Variants in DNAH9 observed in about 807,000 individuals in gnomAD.
The protein encoded by DNAH9 is DNAH9 variant protein.
Under a neutral mutation model 471.6 loss-of-function variants are expected in DNAH9, and 345 were observed. The observed-to-expected ratio is 0.73, with a 90% CI of 0.67 to 0.80. The LOEUF is 0.80. Ranked by LOEUF, DNAH9 falls within the 30% of genes least tolerant of loss-of-function variation. DNAH9 has a pLI of 0.00. For synonymous variants in DNAH9, 2,093 were observed against 2,123.6 expected (o/e 0.99, Z 0.40); for missense variants, 5,407 against 5,609.2 (o/e 0.96, Z 1.15).
chr17:11,931,912 T>C (rs1354767832), intron 63 of DNAH9, 102 bp from the exon 64 acceptor site: 16 of 1,347,304 alleles, frequency 1.2e-5, no homozygotes, highest in Non-Finnish European at 1.6e-5. Flanking sequence ...CCAGAATATA[T>C]GGTAATGTTT....
rs761964192 is a variant in DNAH9, at chr17:11,756,582, CAG to C, written c.6754_6755del (p.Ser2252GlnfsTer2). 2.5e-6 allele frequency: 4 copies of C among 1,612,018 alleles called. No individual in the cohort carries two copies. The South Asian group carries it at 4.4e-5, about 18-fold the overall frequency. Reference protein sequence around the residue: ...MDDNKVLTLASNERIPLNPTM... With the variant: ...MDDNKVLTLAXNERIPLNPTM... ...GTTGTCTCCAGGTGCTGACATTGGC[CAG>C]CAATGAGAGGATTCCTCTGAACCCC... On this transcript the variant is annotated frameshift_variant, in exon 34 of 69. Transcript: ENST00000262442. LOFTEE classifies it high-confidence loss of function.
rs748333573 is a variant in DNAH9, at chr17:11,610,496, C to A, written c.715C>A (p.Pro239Thr). 1.9e-6 allele frequency: 3 copies of A among 1,613,352 alleles called. No individual in the cohort carries two copies. In the South Asian group the frequency reaches 3.3e-5, roughly 18 times the overall value. The change falls in exon 3 of 69, where the codon CCA becomes ACA. Residue 239 changes from proline to threonine, a missense_variant. Coordinates refer to ENST00000262442, the MANE Select transcript of DNAH9 (RefSeq NM_001372.4). ...GGTACTCAAGAGAGAGTCTTCCCAG[C>A]CACTCTTACAAGGGGAGAATCCCAC... is the stretch of plus-strand genomic sequence containing the variant. The part of the protein sequence containing the change: ...QVVLKRESSQ[P>T]LLQGENPTPK...
chr17:11,763,731 C>T, intron 36 of DNAH9, 117 bp downstream of exon 36: 2 of 1,017,146 alleles, frequency 2.0e-6, no homozygotes. Context: ...TTGAAAGCAG[C>T]AAACTATTTA....
chr17:11,946,769 G>A (rs866418762), intron 67 of DNAH9, among the ~76,000 whole-genome samples: 15 of 151,468 alleles, frequency 9.9e-5, no homozygotes, highest in East Asian at 5.8e-4. Flanking sequence ...CTTGCAAGCC[G>A]AAAAATAAAA....
At chr17:11,761,616 C>CGAAT (rs1363618328) in intron 35 of DNAH9, among the ~76,000 whole-genome samples, 1 of 152,182 alleles carries the variant, frequency 6.6e-6, no homozygotes, top group African/African-American at 2.4e-5. Flanking sequence ...GATGCTTGCC[C>CGAAT]CTTCTCTGCT....
In DNAH9 at chr17:11,932,005, T is replaced by C. The variant is rs368280887; in HGVS notation, c.12106-9T>C. ...TGTGCGAACCTTAAAAGCGACACTC[T>C]CATTTCAGGACACTCTGGAGATGTG... is the stretch of plus-strand genomic sequence containing the variant. On this transcript the variant is annotated splice_polypyrimidine_tract_variant and intron_variant, in intron 63 of 68. Transcript: ENST00000262442. This position sits in a 1 kb window ranked among gnomAD's most constrained non-coding sequence, Gnocchi z 4.3. 1.2e-6 allele frequency: 2 copies of C among 1,613,474 alleles called. No individual in the cohort carries two copies. The highest frequency in any genetic ancestry group is 1.3e-5 in the African/African-American group (1 of 74,990).
chr17:11,698,175 T>C (rs1293402978), intron 22 of DNAH9, among the ~76,000 whole-genome samples: 9 of 76,362 alleles, frequency 1.2e-4, no homozygotes, highest in South Asian at 6.8e-4. Context: ...ATTATATTAA[T>C]ATATTATTAT....
At chr17:11,629,126 T>C (rs2073020940) in intron 6 of DNAH9, among the ~76,000 whole-genome samples, 1 of 152,084 alleles carries the variant, frequency 6.6e-6, no homozygotes, top group South Asian at 2.1e-4. Context: ...ACTTTAAGTT[T>C]TAGGGTACAT....
chr17:11,905,636 T>A, intron 60 of DNAH9, 25 bp from the exon 61 acceptor site: 1 of 1,612,312 alleles, frequency 6.2e-7, no homozygotes, highest in Non-Finnish European at 8.5e-7. Flanking sequence ...TATGTATAAA[T>A]CTATATGTGC....
intron 1 of DNAH9, among the ~76,000 whole-genome samples, chr17:11,600,779 A>T (rs2072368885): frequency 6.6e-6 from 1 of 152,122 alleles, no homozygotes; most frequent in Non-Finnish European, 1.5e-5. Context: ...ACCATGTCCA[A>T]CCGGAGTTAT....
intron 14 of DNAH9, among the ~76,000 whole-genome samples, chr17:11,653,816 C>A (rs2073564809): frequency 6.6e-6 from 1 of 152,000 alleles, no homozygotes; most frequent in South Asian, 2.1e-4. Flanking sequence ...AATTTTTAAC[C>A]CCTTCTGTCC....
Position 11,694,360 on chromosome 17 carries a change from C to T in DNAH9, c.4785C>T (p.Asp1595=), listed in dbSNP as rs774901321. ...AGAAGGCCCTGGCAGAGTACCTCGA[C>T]ACCAAGAGGCTTGCCTTCCCGCGGT... ...LCEKALAEYL[D]TKRLAFPRFY... Residue 1595 remains aspartate, a synonymous_variant, in exon 22 of 69, where the codon GAC becomes GAT. Coordinates refer to ENST00000262442, the MANE Select transcript of DNAH9 (RefSeq NM_001372.4). 1 of 1,613,892 alleles carries T rather than the reference C, an allele frequency of 6.2e-7. No homozygotes were observed. The highest frequency in any genetic ancestry group is 1.7e-5 in the Admixed American group (1 of 60,000).
chr17:11,828,859 A>T (rs1200316905), intron 48 of DNAH9, among the ~76,000 whole-genome samples: 1 of 152,190 alleles, frequency 6.6e-6, no homozygotes, highest in Non-Finnish European at 1.5e-5. Context: ...CCACTCCTGA[A>T]TATATCAAGC....
At chr17:11,697,897 C>T (rs1039127571) in intron 22 of DNAH9, among the ~76,000 whole-genome samples, 6 of 151,334 alleles carry the variant, frequency 4.0e-5, no homozygotes, top group South Asian at 2.1e-4. Flanking sequence ...TCTTTCACCA[C>T]GTTTTATAGA....
intron 45 of DNAH9, among the ~76,000 whole-genome samples, chr17:11,818,877 C>CATTATTATT (rs1367513775): frequency 7.5e-6 from 1 of 132,504 alleles, no homozygotes; most frequent in Admixed American, 7.6e-5. Flanking sequence ...AGTCTGTCTC[C>CATTATTATT]ATTATTACTA....
intron 14 of DNAH9, 55 bp from the exon 15 acceptor site, chr17:11,664,778 C>T (rs1454692036): frequency 7.0e-7 from 1 of 1,420,530 alleles, no homozygotes; most frequent in Non-Finnish European, 9.8e-7. Flanking sequence ...GTTGATTACA[C>T]CAGTTCTTTC....
At chr17:11,897,946 C>T (rs116612258) in intron 59 of DNAH9, among the ~76,000 whole-genome samples, 79 of 152,238 alleles carry the variant, frequency 5.2e-4, no homozygotes, top group African/African-American at 1.9e-3. Context: ...GGCCGTGCTC[C>T]CTCCAGAGGC....
intron 41 of DNAH9, among the ~76,000 whole-genome samples, chr17:11,785,656 T>C (rs1968841879): frequency 6.6e-6 from 1 of 152,192 alleles, no homozygotes. Flanking sequence ...TAGTTCAGGA[T>C]ACCACTCCTG....
rs1972897406 is a variant in DNAH9, at chr17:11,886,908, C to G, written c.11055C>G (p.Leu3685=). 6.2e-7 allele frequency: 1 copy of G among 1,613,052 alleles called. No individual in the cohort carries two copies. The highest frequency in any genetic ancestry group is 1.7e-5 in the Admixed American group (1 of 59,844). ...YRPAAARASL[L]YFIMNDLSKI... is the part of the protein sequence containing the mutation. ...CAGCAGCTGCCAGGGCCTCACTGCTCTACTTCATCATGAACGACCTCAGCA... is the reference window on the plus strand; with the variant it reads ...CAGCAGCTGCCAGGGCCTCACTGCTGTACTTCATCATGAACGACCTCAGCA... The change falls in exon 57 of 69, where the codon CTC becomes CTG. Residue 3685 remains leucine, a synonymous_variant. Transcript: ENST00000262442.
Sources: allele counts gnomAD v4.1 joint callset (sites outside exome capture counted in the v4.1 genomes callset), GRCh38; gene constraint gnomAD v4.1.1; non-coding constraint Gnocchi (gnomAD v3.1); transcripts MANE v1.5; gene names NCBI Gene and HGNC (gene_info 2026-07-23, HGNC 2026-07-21).